FAM171A1: variants seen among roughly 807,000 people sequenced by gnomAD.
FAM171A1 encodes family with sequence similarity 171 member A1.
Under a neutral mutation model 74.9 loss-of-function variants are expected in FAM171A1, and 23 were observed. The ratio of observed to expected loss-of-function variants is 0.31; its 90% CI spans 0.22 to 0.44. The LOEUF (loss-of-function observed/expected upper bound fraction) is 0.44. Ranked by LOEUF, FAM171A1 falls within the 20% of genes least tolerant of loss-of-function variation. The pLI is 1.00. For synonymous variants in FAM171A1, 527 were observed against 505.7 expected (o/e 1.04, Z -0.57); for missense variants, 1,162 against 1,159.2 (o/e 1.00, Z -0.03).
chr10:15,292,188 T>C (rs184531437), intron 1 of FAM171A1, among the ~76,000 whole-genome samples: 126 of 152,180 alleles, frequency 8.3e-4, no homozygotes, highest in African/African-American at 2.9e-3. Context: ...TCCCCCCTCA[T>C]GACCTGATGT....
intron 1 of FAM171A1, among the ~76,000 whole-genome samples, chr10:15,314,112 G>A (rs1378227180): frequency 1.3e-5 from 2 of 152,172 alleles, no homozygotes; most frequent in African/African-American, 2.4e-5. Flanking sequence ...AGCGTGACAC[G>A]CCAAGCGTCT....
intron 1 of FAM171A1, among the ~76,000 whole-genome samples, chr10:15,348,425 C>T (rs980007240): frequency 4.6e-5 from 7 of 152,110 alleles, no homozygotes; most frequent in African/African-American, 1.2e-4. Flanking sequence ...GGCGTGAGCC[C>T]CCATGCCCGG....
At position 15,275,960 on chromosome 10, in the gene FAM171A1, G is replaced by C. The variant is rs774797125; in HGVS notation, c.326-13C>G. The C allele has an allele frequency of 6.3e-7, 1 of 1,588,200 alleles. No homozygotes were observed. The highest frequency in any genetic ancestry group is 1.1e-5 in the South Asian group (1 of 88,440). ...AGAGAGGAAAATACTGCAGGAAAAA[G>C]AAATGGATAGAAGGGGATTTTAATA... On this transcript the variant is annotated splice_polypyrimidine_tract_variant and intron_variant, in intron 2 of 7. Coordinates refer to ENST00000378116, the MANE Select transcript of FAM171A1 (RefSeq NM_001010924.2).
intron 1 of FAM171A1, among the ~76,000 whole-genome samples, chr10:15,324,736 GA>G (rs369457098): frequency 0.016 from 2,313 of 145,380 alleles, 59 homozygotes; most frequent in African/African-American, 0.055. Flanking sequence ...GAGTGAGGGG[GA>G]AAAAAAAAAG....
rs1265608906 is a variant in FAM171A1 at position 15,220,704 on chromosome 10, A to G, written c.871+240T>C. Among the ~76,000 whole-genome samples the G allele has an allele frequency of 2.0e-5, 3 of 152,084 alleles. No homozygotes were observed. In the East Asian group the frequency reaches 5.8e-4, roughly 29 times the overall value. On this transcript the variant is annotated intron_variant, in intron 6 of 7. Coordinates refer to ENST00000378116, the MANE Select transcript of FAM171A1 (RefSeq NM_001010924.2). ...ATTCCCTATGGCAGCTGTCTGAACAAAACAGCCACTCAAGACTATTTTCTA... is the reference window on the plus strand; with the variant it reads ...ATTCCCTATGGCAGCTGTCTGAACAGAACAGCCACTCAAGACTATTTTCTA...
At chr10:15,247,742 G>T in intron 5 of FAM171A1, among the ~76,000 whole-genome samples, 1 of 152,070 alleles carries the variant, frequency 6.6e-6, no homozygotes, top group East Asian at 1.9e-4. Context: ...CAAAGTGCTG[G>T]GATTACAGGT....
intron 1 of FAM171A1, among the ~76,000 whole-genome samples, chr10:15,317,322 G>A (rs1828010760): frequency 6.6e-6 from 1 of 152,160 alleles, no homozygotes; most frequent in African/African-American, 2.4e-5. Context: ...TCACTAACAC[G>A]AAGCATAAAA....
chr10:15,246,950 C>T (rs967592521), intron 5 of FAM171A1, among the ~76,000 whole-genome samples: 2 of 152,226 alleles, frequency 1.3e-5, no homozygotes, highest in African/African-American at 2.4e-5. Context: ...CAAACCAATA[C>T]AACTGTCTGG....
chr10:15,316,937 C>T (rs1177132216), intron 1 of FAM171A1, among the ~76,000 whole-genome samples: 1 of 152,124 alleles, frequency 6.6e-6, no homozygotes, highest in African/African-American at 2.4e-5. Context: ...TTCTGCCCAT[C>T]TGCAGCCCCA....
intron 1 of FAM171A1, among the ~76,000 whole-genome samples, chr10:15,366,016 T>C (rs1313434865): frequency 6.6e-6 from 1 of 152,200 alleles, no homozygotes; most frequent in East Asian, 1.9e-4. Context: ...TTTTAAATAA[T>C]GGTTTTCTTA....
At chr10:15,219,214 G>A (rs1307674654) in intron 6 of FAM171A1, among the ~76,000 whole-genome samples, 6 of 152,024 alleles carry the variant, frequency 3.9e-5, no homozygotes, top group Admixed American at 2.0e-4. Context: ...CCCAGGAGGC[G>A]GAGGTGGCCA....
At chr10:15,341,780 C>G (rs115000254) in intron 1 of FAM171A1, among the ~76,000 whole-genome samples, 1 of 152,086 alleles carries the variant, frequency 6.6e-6, no homozygotes, top group African/African-American at 2.4e-5. Context: ...CACATCACGA[C>G]AGAAAAGGGA....
Position 15,371,111 on chromosome 10 carries a change from G to C in FAM171A1, c.-59C>G. The C allele has an allele frequency of 5.0e-6, 4 of 793,120 alleles. No individual in the cohort carries two copies. Among genetic ancestry groups the C allele is most frequent in the Non-Finnish European group, 6.1e-6 (4 of 657,562 alleles). 49.1% of individuals were successfully genotyped at this position (793,120 alleles called of 1,614,324 possible). A position where few individuals can be genotyped will look rare whatever the true frequency, so the allele number is the denominator to read the frequency against. ...CCGAGAGCGGGCCGGGCGGCGGCGC[G>C]TCACGGGCGGCCGGGCGCCGCGCCC... is the stretch of plus-strand genomic sequence containing the variant. On this transcript the variant is annotated 5_prime_UTR_variant, in exon 1 of 8. Transcript: ENST00000378116.
At chr10:15,227,899 G>A (rs1834129624) in intron 5 of FAM171A1, among the ~76,000 whole-genome samples, 1 of 152,212 alleles carries the variant, frequency 6.6e-6, no homozygotes, top group Admixed American at 6.5e-5. Flanking sequence ...GGCAGGGAAA[G>A]ATGTGTCCTG....
At chr10:15,294,312 C>T (rs1835135974) in intron 1 of FAM171A1, among the ~76,000 whole-genome samples, 1 of 152,178 alleles carries the variant, frequency 6.6e-6, no homozygotes, top group Admixed American at 6.5e-5. Flanking sequence ...GCTCTCCTTC[C>T]ACCGTGCACC....
At chr10:15,262,753 G>C (rs1314886166) in intron 3 of FAM171A1, among the ~76,000 whole-genome samples, 1 of 152,218 alleles carries the variant, frequency 6.6e-6, no homozygotes, top group Non-Finnish European at 1.5e-5. Context: ...GAAAGAACTA[G>C]AAGAGATGAA....
chr10:15,290,501 G>A lies in FAM171A1; in HGVS notation c.98-6396C>T, dbSNP rs574335235. 2.0e-4 allele frequency among the ~76,000 whole-genome samples: 30 copies of A among 152,326 alleles called. No individual in the cohort carries two copies. In the South Asian group the frequency reaches 6.2e-3, roughly 32 times the overall value. ...GAAGCTCTCCAGACACATGGTCTCT[G>A]TTTCTTGTCCATTTCCATTTCTGTC... On this transcript the variant is annotated intron_variant, in intron 1 of 7. Coordinates refer to ENST00000378116, the MANE Select transcript of FAM171A1 (RefSeq NM_001010924.2).
chr10:15,223,465 G>A (rs529174127), intron 5 of FAM171A1, among the ~76,000 whole-genome samples: 4 of 152,362 alleles, frequency 2.6e-5, no homozygotes, highest in Middle Eastern at 3.4e-3. Context: ...TAGGCTAAAC[G>A]GGACCCAGAG....
chr10:15,272,985 G>C (rs1468182911), intron 3 of FAM171A1, among the ~76,000 whole-genome samples: 1 of 152,118 alleles, frequency 6.6e-6, no homozygotes, highest in Non-Finnish European at 1.5e-5. Flanking sequence ...AAAAGAACTA[G>C]AGAAGCAAGA....
Sources: gnomAD v4.1 joint callset for allele counts (sites outside exome capture counted in the v4.1 genomes callset) on GRCh38, gnomAD v4.1.1 for gene constraint, MANE v1.5 for transcripts, NCBI Gene and HGNC (gene_info 2026-07-23, HGNC 2026-07-21) for gene names.